MIR2052HG: variants seen among roughly 807,000 people sequenced by gnomAD.
MIR2052HG encodes the protein MIR2052 host gene.
At chr8:74,623,802 T>A (rs947867939) in intron 2 of MIR2052HG, among the ~76,000 whole-genome samples, 3 of 152,206 alleles carry the variant, frequency 2.0e-5, no homozygotes, top group African/African-American at 7.2e-5. Flanking sequence ...TGTTAGGTCT[T>A]TATCTCAATT....
chr8:74,742,779 T>C (rs1488339321), intron 4 of MIR2052HG, among the ~76,000 whole-genome samples: 1 of 152,192 alleles, frequency 6.6e-6, no homozygotes, highest in African/African-American at 2.4e-5. Flanking sequence ...CTTTCAATTT[T>C]ATAGACATCT....
At chr8:74,757,259 G>GCTA (rs1810014312) in intron 5 of MIR2052HG, 1 of 152,190 alleles carries the variant, frequency 6.6e-6, no homozygotes, top group Non-Finnish European at 1.5e-5. Context: ...TATTATCTAG[G>GCTA]AGCTTGTTCA....
chr8:74,695,343 C>T (rs1326579068), intron 2 of MIR2052HG, among the ~76,000 whole-genome samples: 1 of 152,014 alleles, frequency 6.6e-6, no homozygotes, highest in Non-Finnish European at 1.5e-5. Flanking sequence ...TTGAAATACA[C>T]CAAAATAGAA....
intron 4 of MIR2052HG, among the ~76,000 whole-genome samples, chr8:74,734,576 C>T (rs550442927): frequency 1.3e-5 from 2 of 152,322 alleles, no homozygotes; most frequent in South Asian, 4.1e-4. Flanking sequence ...TTATCTCCAC[C>T]TCCTCCTCTT....
chr8:74,752,611 C>A, intron 5 of MIR2052HG: 1 of 389,030 alleles, frequency 2.6e-6, no homozygotes, highest in South Asian at 1.8e-5. Flanking sequence ...CTGCCTTAGC[C>A]ATTCAAGAAG....
At chr8:74,751,699 ATCT>A (rs1809948440) in intron 4 of MIR2052HG, among the ~76,000 whole-genome samples, 1 of 152,254 alleles carries the variant, frequency 6.6e-6, no homozygotes, top group African/African-American at 2.4e-5. Flanking sequence ...GCAAAAAGAC[ATCT>A]TATGTCATGG....
intron 2 of MIR2052HG, among the ~76,000 whole-genome samples, chr8:74,696,862 T>C (rs1021552891): frequency 1.3e-5 from 2 of 151,002 alleles, no homozygotes; most frequent in Admixed American, 6.6e-5. Flanking sequence ...CAGGACCAGA[T>C]GGTTTCACAG....
chr8:74,712,513 T>C (rs1051738128), intron 4 of MIR2052HG, among the ~76,000 whole-genome samples: 1 of 152,148 alleles, frequency 6.6e-6, no homozygotes, highest in Non-Finnish European at 1.5e-5. Context: ...TTGATATGTG[T>C]CCTCAGCAGA....
chr8:74,693,574 T>C (rs1013740399), intron 2 of MIR2052HG, among the ~76,000 whole-genome samples: 3 of 121,072 alleles, frequency 2.5e-5, no homozygotes, highest in Admixed American at 1.1e-4. Flanking sequence ...CCTGCTCATC[T>C]GCTGCCTGGA....
chr8:74,754,338 G>A (rs1235192530), intron 5 of MIR2052HG, among the ~76,000 whole-genome samples: 2 of 152,332 alleles, frequency 1.3e-5, no homozygotes, highest in East Asian at 3.9e-4. Context: ...CATGCTCGGT[G>A]AAATTTTGCA....
chr8:74,730,744 C>T (rs779621494), intron 4 of MIR2052HG, among the ~76,000 whole-genome samples: 7 of 152,118 alleles, frequency 4.6e-5, no homozygotes, highest in Non-Finnish European at 1.0e-4. Context: ...GATAAACTCA[C>T]ATGAGTTTAC....
At chr8:74,634,404 T>C (rs1808555886) in intron 2 of MIR2052HG, among the ~76,000 whole-genome samples, 2 of 152,214 alleles carry the variant, frequency 1.3e-5, no homozygotes, top group African/African-American at 2.4e-5. Flanking sequence ...GCTGACATCA[T>C]GTAGTATTTG....
At chr8:74,701,633 C>T (rs750831114) in intron 2 of MIR2052HG, among the ~76,000 whole-genome samples, 1 of 152,016 alleles carries the variant, frequency 6.6e-6, no homozygotes, top group Admixed American at 6.6e-5. Context: ...ATTTTCTGAG[C>T]CATTCTTTTC....
chr8:74,615,001 T>C (rs1214700157), intron 2 of MIR2052HG: 1 of 152,214 alleles, frequency 6.6e-6, no homozygotes, highest in Non-Finnish European at 1.5e-5. Context: ...TGACTTTGCT[T>C]TAGGTGAATT....
intron 6 of MIR2052HG, chr8:74,758,345 CCA>C (rs1810026966): frequency 6.6e-6 from 1 of 151,828 alleles, no homozygotes; most frequent in Admixed American, 6.6e-5. Context: ...CCAGAAAGAA[CCA>C]CAATTAAAAT....
chr8:74,685,896 T>C lies in MIR2052HG; in HGVS notation n.217-16483T>C, dbSNP rs1395358814. On this transcript the variant is annotated intron_variant and non_coding_transcript_variant, in intron 2 of 6. Coordinates refer to ENST00000523442, the Ensembl canonical transcript of MIR2052HG. ...AAGTGGACAGATGAGTCCTGCCAAA[T>C]TTTAAATCGTTTAAAAATTTATTTT... Among the ~76,000 whole-genome samples the C allele has an allele frequency of 2.6e-5, 4 of 152,154 alleles. No individual in the cohort carries two copies. The East Asian group carries it at 5.8e-4, about 22-fold the overall frequency.
intron 4 of MIR2052HG, among the ~76,000 whole-genome samples, chr8:74,746,386 G>T (rs760467994): frequency 1.3e-5 from 2 of 152,114 alleles, no homozygotes; most frequent in Non-Finnish European, 2.9e-5. Flanking sequence ...AGTACTTGGC[G>T]GTAGGTATAG....
chr8:74,720,441 CTG>C (rs1481816141), intron 4 of MIR2052HG, among the ~76,000 whole-genome samples: 1 of 151,884 alleles, frequency 6.6e-6, no homozygotes, highest in East Asian at 1.9e-4. Flanking sequence ...TTTTTTTCAA[CTG>C]TAAGTTTTGT....
At chr8:74,624,857 T>C (rs1383392007) in intron 2 of MIR2052HG, among the ~76,000 whole-genome samples, 1 of 152,092 alleles carries the variant, frequency 6.6e-6, no homozygotes, top group African/African-American at 2.4e-5. Flanking sequence ...CAACCAGAAA[T>C]GCAAAGGAAG....
Sources: gnomAD v4.1 joint callset for allele counts (sites outside exome capture counted in the v4.1 genomes callset) on GRCh38, gnomAD v4.1.1 for gene constraint, MANE v1.5 for transcripts, NCBI Gene and HGNC (gene_info 2026-07-23, HGNC 2026-07-21) for gene names.